Variants in ALK observed in about 807,000 individuals in gnomAD.
ALK encodes the protein ALK tyrosine kinase receptor.
A neutral mutation model predicts 163.1 loss-of-function variants in ALK; 74 were observed. That is an observed-to-expected ratio of 0.45 (90% CI 0.38 to 0.55). The LOEUF is 0.55. Ranked by LOEUF, ALK falls within the 20% of genes least tolerant of loss-of-function variation. The probability of loss-of-function intolerance (pLI) is 0.00; values close to 1 mark genes in which losing one functional copy is unlikely to be tolerated. For synonymous variants in ALK, 960 were observed against 843.2 expected (o/e 1.14, Z -2.40); for missense variants, 2,063 against 2,105.3 (o/e 0.98, Z 0.39).
intron 1 of ALK, among the ~76,000 whole-genome samples, chr2:29,814,948 G>A (rs957057582): frequency 9.4e-5 from 14 of 149,206 alleles, no homozygotes; most frequent in African/African-American, 1.7e-4. Flanking sequence ...CAGAATGCCA[G>A]GTTTTACAAA....
chr2:29,532,223 A>C, intron 3 of ALK, 107 bp from the exon 4 acceptor site: 2 of 1,047,264 alleles, frequency 1.9e-6, no homozygotes, highest in Non-Finnish European at 2.9e-6. Context: ...GAGATACTGG[A>C]GGCCATTATC....
intron 3 of ALK, among the ~76,000 whole-genome samples, chr2:29,665,877 T>TA (rs983133431): frequency 5.3e-5 from 8 of 152,134 alleles, no homozygotes; most frequent in Admixed American, 4.6e-4. Context: ...GAATTTCACT[T>TA]ACGTAAGATC....
chr2:29,532,357 G>A (rs893588835), intron 3 of ALK, among the ~76,000 whole-genome samples: 1 of 152,130 alleles, frequency 6.6e-6, no homozygotes, highest in Non-Finnish European at 1.5e-5. Flanking sequence ...ACCAAGGTTC[G>A]AACCTTAGCT....
chr2:29,722,458 T>C lies in ALK; in HGVS notation c.668-4761A>G, dbSNP rs542896282. Among the ~76,000 whole-genome samples the C allele has an allele frequency of 4.9e-4, 75 of 152,366 alleles. No individual in the cohort carries two copies. The South Asian group carries it at 0.016, about 32-fold the overall frequency. Reference sequence around the variant, plus strand: ...CAGAACCACATTGTAGCCCTCTTCGTAAGACTTTAAAAACTCTGACTTTTC... The same window carrying C: ...CAGAACCACATTGTAGCCCTCTTCGCAAGACTTTAAAAACTCTGACTTTTC... On this transcript the variant is annotated intron_variant, in intron 1 of 28. Coordinates refer to ENST00000389048, the MANE Select transcript of ALK (RefSeq NM_004304.5).
In ALK at chr2:29,226,831, C is replaced by T. The variant is rs116012417; in HGVS notation, c.3067+91G>A. ...GACAGAAAGTTTACAAAACCGAATC[C>T]AGGGTGTTCTGGAACCCAGAAACCA... On this transcript the variant is annotated intron_variant, in intron 18 of 28. Coordinates refer to ENST00000389048, the MANE Select transcript of ALK (RefSeq NM_004304.5). 11,976 of 1,529,202 alleles carry T rather than the reference C, an allele frequency of 7.8e-3. 80 individuals are homozygous for T. The highest frequency in any genetic ancestry group is 8.9e-3 in the Non-Finnish European group (9,905 of 1,109,946). The allele number at this position is 1,529,202 out of a possible 1,614,324, so 94.7% of individuals were successfully genotyped here.
rs193020370 is a variant in ALK at position 29,214,921 on chromosome 2, C to T, written c.3646-840G>A. Among the ~76,000 whole-genome samples, 3 of 152,342 alleles carry T rather than the reference C, an allele frequency of 2.0e-5. No homozygotes were observed. The East Asian group carries it at 5.8e-4, about 29-fold the overall frequency. On this transcript the variant is annotated intron_variant, in intron 23 of 28. Coordinates refer to ENST00000389048, the MANE Select transcript of ALK (RefSeq NM_004304.5). ...ACAGGGATCTCACCCTCCCACAGCA[C>T]CCAGCACAATGCTGGACACACACTG...
chr2:29,715,734 C>A (rs761828607), intron 2 of ALK, among the ~76,000 whole-genome samples: 2 of 152,158 alleles, frequency 1.3e-5, no homozygotes, highest in Non-Finnish European at 2.9e-5. Context: ...AGTTGTATCG[C>A]AAATCTGGTT....
In ALK at chr2:29,532,060, A is replaced by G. The variant is rs886726765; in HGVS notation, c.1009T>C (p.Trp337Arg). ...ADSKHTILSP[W>R]MRSSSEHCTL... ...CAGTGCTCACTGCTGCTCCTCATCC[A>G]CGGACTCAGGATGGTGTGCTTGGAG... Residue 337 changes from tryptophan (W) to arginine (R), a missense_variant, in exon 4 of 29, where the codon TGG becomes CGG. Trp to Arg is a moderately radical substitution (Grantham distance 101). Coordinates refer to ENST00000389048, the MANE Select transcript of ALK (RefSeq NM_004304.5). 1.2e-6 allele frequency: 2 copies of G among 1,614,036 alleles called. No individual in the cohort carries two copies. Among genetic ancestry groups the G allele is most frequent in the African/African-American group, 2.7e-5 (2 of 75,010 alleles).
At chr2:29,334,856 G>A (rs35330149) in intron 5 of ALK, among the ~76,000 whole-genome samples, 1 of 152,108 alleles carries the variant, frequency 6.6e-6, no homozygotes, top group Non-Finnish European at 1.5e-5. Flanking sequence ...CCAAACTAAC[G>A]AGGCACAACA....
intron 4 of ALK, among the ~76,000 whole-genome samples, chr2:29,499,394 T>A (rs1672111117): frequency 6.6e-6 from 1 of 152,130 alleles, no homozygotes; most frequent in Non-Finnish European, 1.5e-5. Context: ...CAAGGTTTCA[T>A]CACTTTGGTC....
intron 3 of ALK, among the ~76,000 whole-genome samples, chr2:29,644,276 T>A (rs1558422970): frequency 6.6e-6 from 1 of 150,396 alleles, no homozygotes; most frequent in East Asian, 2.0e-4. Flanking sequence ...GAGGGATAGC[T>A]TTAGGAGATA....
intron 2 of ALK, among the ~76,000 whole-genome samples, chr2:29,713,041 C>G (rs1371836931): frequency 6.6e-6 from 1 of 152,158 alleles, no homozygotes; most frequent in African/African-American, 2.4e-5. Context: ...CAGGGCCATG[C>G]TCTCTCTGAA....
At chr2:29,735,894 C>T (rs1258718924) in intron 1 of ALK, among the ~76,000 whole-genome samples, 1 of 152,086 alleles carries the variant, frequency 6.6e-6, no homozygotes, top group Admixed American at 6.5e-5. Flanking sequence ...ATGAATTACC[C>T]AGTCTGGGGC....
intron 4 of ALK, among the ~76,000 whole-genome samples, chr2:29,500,830 C>T (rs553079791): frequency 6.6e-6 from 1 of 152,304 alleles, no homozygotes; most frequent in South Asian, 2.1e-4. Context: ...TTCTGGGATC[C>T]TTGCATACAC....
rs528734982 is a variant in ALK, at chr2:29,740,516, T to G, written c.668-22819A>C. On this transcript the variant is annotated intron_variant, in intron 1 of 28. Coordinates refer to ENST00000389048, the MANE Select transcript of ALK (RefSeq NM_004304.5). Reference sequence around the variant, plus strand: ...TCTTTGGACCATGACAATTCCTACCTGCTTCAAAGGACTATTGAAAGGAAC... The same window carrying G: ...TCTTTGGACCATGACAATTCCTACCGGCTTCAAAGGACTATTGAAAGGAAC... Among the ~76,000 whole-genome samples, 59 of 152,322 alleles carry G rather than the reference T, an allele frequency of 3.9e-4. 1 individual carries two copies. The highest frequency in any genetic ancestry group is 1.1e-3 in the African/African-American group (46 of 41,566).
At chr2:29,441,016 T>C (rs939998805) in intron 4 of ALK, among the ~76,000 whole-genome samples, 1 of 152,172 alleles carries the variant, frequency 6.6e-6, no homozygotes, top group African/African-American at 2.4e-5. Context: ...AATAGCCAAC[T>C]TGGACTTGGA....
intron 1 of ALK, among the ~76,000 whole-genome samples, chr2:29,734,242 G>A (rs1679828763): frequency 6.6e-6 from 1 of 152,156 alleles, no homozygotes; most frequent in African/African-American, 2.4e-5. Flanking sequence ...CCATGTTCAA[G>A]TTCCAAGAAA....
chr2:29,259,596 C>T (rs1665033457), intron 11 of ALK, among the ~76,000 whole-genome samples: 1 of 151,870 alleles, frequency 6.6e-6, no homozygotes, highest in Non-Finnish European at 1.5e-5. Flanking sequence ...TAAAGTGTTG[C>T]TGTCAAAAAC....
At chr2:29,429,139 C>A (rs952185234) in intron 4 of ALK, among the ~76,000 whole-genome samples, 4 of 151,996 alleles carry the variant, frequency 2.6e-5, no homozygotes, top group African/African-American at 9.7e-5. Flanking sequence ...AATCCCACAG[C>A]TAACTTTATA....
Sources: gnomAD v4.1 joint callset for allele counts (sites outside exome capture counted in the v4.1 genomes callset) on GRCh38, gnomAD v4.1.1 for gene constraint, MANE v1.5 for transcripts, NCBI Gene and HGNC (gene_info 2026-07-23, HGNC 2026-07-21) for gene names.